Variants in GRIA4 observed in about 807,000 individuals in gnomAD.
GRIA4 encodes the protein glutamate ionotropic receptor AMPA type subunit 4, also known as glutamate receptor 4.
GRIA4 carries 34 observed loss-of-function variants against 104.0 expected under a neutral mutation model. The observed-to-expected ratio is 0.33, with a 90% confidence interval of 0.25 to 0.44. The LOEUF is 0.44. Ranked by LOEUF, GRIA4 falls within the 20% of genes least tolerant of loss-of-function variation. The pLI is 1.00. For missense variants in GRIA4, 750 were observed against 1,096.5 expected (o/e 0.68, Z 4.46); for synonymous variants, 386 against 381.9 (o/e 1.01, Z -0.13).
chr11:105,652,242 A>G (rs960420077), intron 3 of GRIA4, among the ~76,000 whole-genome samples: 2 of 152,220 alleles, frequency 1.3e-5, no homozygotes, highest in African/African-American at 4.8e-5. Context: ...TCTAAGTTGA[A>G]GCAGAGAAGA....
chr11:105,816,800 C>G (rs1373563827), intron 4 of GRIA4, among the ~76,000 whole-genome samples: 2 of 151,932 alleles, frequency 1.3e-5, no homozygotes, highest in East Asian at 3.9e-4. Flanking sequence ...TCACTTGAGG[C>G]CAGGAAACTG....
intron 4 of GRIA4, among the ~76,000 whole-genome samples, chr11:105,823,642 A>C (rs765457520): frequency 1.3e-5 from 2 of 152,118 alleles, no homozygotes; most frequent in Non-Finnish European, 1.5e-5. Context: ...TGGCATAATG[A>C]ACAAAGTATA....
At chr11:105,935,866 T>C (rs1948020445) in intron 14 of GRIA4, among the ~76,000 whole-genome samples, 1 of 152,164 alleles carries the variant, frequency 6.6e-6, no homozygotes. Context: ...GCTGAAGGGC[T>C]TCATCTGTCC....
chr11:105,876,838 G>A (rs996322685), intron 5 of GRIA4, among the ~76,000 whole-genome samples: 2 of 152,118 alleles, frequency 1.3e-5, no homozygotes, highest in Non-Finnish European at 2.9e-5. Context: ...GCTGAATACA[G>A]CACACCGATG....
At chr11:105,664,390 C>T (rs1427931680) in intron 3 of GRIA4, among the ~76,000 whole-genome samples, 1 of 150,338 alleles carries the variant, frequency 6.7e-6, no homozygotes, top group South Asian at 2.1e-4. Context: ...GAGAAAAAGG[C>T]ATAAGAGATC....
intron 3 of GRIA4, among the ~76,000 whole-genome samples, chr11:105,625,741 G>A (rs2135289187): frequency 6.6e-6 from 1 of 151,948 alleles, no homozygotes; most frequent in African/African-American, 2.4e-5. Context: ...AGATTATGTG[G>A]GTCTTAATTA....
intron 14 of GRIA4, among the ~76,000 whole-genome samples, chr11:105,970,175 G>T (rs553597821): frequency 2.0e-5 from 3 of 151,840 alleles, no homozygotes; most frequent in Non-Finnish European, 2.9e-5. Flanking sequence ...TAATATTCTA[G>T]GATCATGGCA....
At chr11:105,756,333 G>A (rs1940308331) in intron 4 of GRIA4, among the ~76,000 whole-genome samples, 1 of 152,066 alleles carries the variant, frequency 6.6e-6, no homozygotes, top group Non-Finnish European at 1.5e-5. Context: ...AGAGAGAAGT[G>A]CTCTGTGTCT....
intron 4 of GRIA4, among the ~76,000 whole-genome samples, chr11:105,782,785 C>T (rs1941784904): frequency 1.3e-5 from 2 of 152,168 alleles, no homozygotes; most frequent in South Asian, 4.1e-4. Context: ...AATTCACGAA[C>T]AGAAGAGCAA....
rs58596829 is a variant in GRIA4 at position 105,836,188 on chromosome 11, C to T, written c.488-25836C>T. On this transcript the variant is annotated intron_variant, in intron 4 of 16. Transcript: ENST00000282499. ...CTTCAATTATCTTGTATTCCTTTCTCCCTTCTCCCATCAGACCCCAATCAT... is the reference window on the plus strand; with the variant it reads ...CTTCAATTATCTTGTATTCCTTTCTTCCTTCTCCCATCAGACCCCAATCAT... Among the ~76,000 whole-genome samples the T allele has an allele frequency of 9.2e-3, 1,401 of 152,104 alleles. 24 individuals carry two copies. The highest frequency in any genetic ancestry group is 0.032 in the African/African-American group (1,319 of 41,498).
intron 5 of GRIA4, among the ~76,000 whole-genome samples, chr11:105,880,357 G>T (rs995404061): frequency 6.6e-6 from 1 of 152,198 alleles, no homozygotes; most frequent in Non-Finnish European, 1.5e-5. Context: ...TACTCTACAA[G>T]TGCTTTTCAA....
intron 6 of GRIA4, among the ~76,000 whole-genome samples, chr11:105,891,741 G>C (rs1007294475): frequency 6.6e-5 from 10 of 152,074 alleles, no homozygotes; most frequent in Admixed American, 2.0e-4. Flanking sequence ...ACTTATTCTT[G>C]TTTTTTCATT....
At chr11:105,946,493 G>A (rs1040834016) in intron 14 of GRIA4, among the ~76,000 whole-genome samples, 2 of 152,096 alleles carry the variant, frequency 1.3e-5, no homozygotes, top group African/African-American at 4.8e-5. Context: ...GGCTGAGGTG[G>A]GAGGATTGCT....
chr11:105,648,240 T>A (rs1038188839), intron 3 of GRIA4, among the ~76,000 whole-genome samples: 14 of 151,630 alleles, frequency 9.2e-5, no homozygotes, highest in African/African-American at 3.1e-4. Flanking sequence ...GGTAACTAAT[T>A]TATATTTTTT....
At chr11:105,853,253 TC>T (rs1944884951) in intron 4 of GRIA4, among the ~76,000 whole-genome samples, 1 of 152,246 alleles carries the variant, frequency 6.6e-6, no homozygotes, top group South Asian at 2.1e-4. Context: ...TAGAATGGAG[TC>T]CTTTCTGAAA....
At chr11:105,691,364 A>G (rs1293134470) in intron 3 of GRIA4, among the ~76,000 whole-genome samples, 4 of 152,198 alleles carry the variant, frequency 2.6e-5, no homozygotes, top group Admixed American at 2.6e-4. Flanking sequence ...AAAATAACAC[A>G]GAAAAAAAGT....
intron 3 of GRIA4, among the ~76,000 whole-genome samples, chr11:105,711,590 C>T (rs557994259): frequency 1.9e-4 from 29 of 152,226 alleles, no homozygotes; most frequent in African/African-American, 5.3e-4. Context: ...CCAAGAGCGA[C>T]TGATCTTTGA....
chr11:105,905,829 G>T (rs1947023664), intron 9 of GRIA4, among the ~76,000 whole-genome samples: 1 of 152,164 alleles, frequency 6.6e-6, no homozygotes, highest in Non-Finnish European at 1.5e-5. Flanking sequence ...AAGTTGTTCA[G>T]GAAGGTGCTG....
intron 4 of GRIA4, among the ~76,000 whole-genome samples, chr11:105,811,957 C>T (rs2135872583): frequency 6.6e-6 from 1 of 152,294 alleles, no homozygotes; most frequent in Non-Finnish European, 1.5e-5. Flanking sequence ...ACCTCCTCCC[C>T]TCTCCCCCAT....
Sources: allele counts gnomAD v4.1 joint callset (sites outside exome capture counted in the v4.1 genomes callset), GRCh38; gene constraint gnomAD v4.1.1; transcripts MANE v1.5; gene names NCBI Gene and HGNC (gene_info 2026-07-23, HGNC 2026-07-21).